The following DNM2 variants were observed in gnomAD, a reference collection of about 807,000 sequenced individuals.
The protein encoded by DNM2 is dynamin-2.
A neutral mutation model predicts 99.0 loss-of-function variants in DNM2; 15 were observed. The observed-to-expected ratio is 0.15, with a 90% CI of 0.10 to 0.23. DNM2 has a LOEUF of 0.23. Ranked by LOEUF, DNM2 falls within the 10% of genes least tolerant of loss-of-function variation. The pLI is 1.00. For missense variants in DNM2, 742 were observed against 1,189.4 expected, an observed-to-expected ratio of 0.62 and a Z score of 5.53; for synonymous variants, 525 against 481.2, an observed-to-expected ratio of 1.09 and a Z score of -1.19.
chr19:10,728,223 A>C (rs1246793303), intron 1 of DNM2, among the ~76,000 whole-genome samples: 1 of 152,222 alleles, frequency 6.6e-6, no homozygotes, highest in Admixed American at 6.5e-5. Context: ...ACCGTGTGCC[A>C]CATGTGCAAG....
At chr19:10,805,082 G>A (rs1034154647) in intron 12 of DNM2, among the ~76,000 whole-genome samples, 2 of 152,196 alleles carry the variant, frequency 1.3e-5, no homozygotes, top group African/African-American at 4.8e-5. Flanking sequence ...AAAATATAGT[G>A]GGATTTGTCT....
intron 6 of DNM2, among the ~76,000 whole-genome samples, chr19:10,784,078 T>G (rs2071472409): frequency 6.6e-6 from 1 of 151,932 alleles, no homozygotes; most frequent in South Asian, 2.1e-4. Context: ...AGTGGGCCAG[T>G]GTGTGGTAGC....
Position 10,795,584 on chromosome 19 carries a change from C to T in DNM2, c.1196+145C>T, listed in dbSNP as rs2071903197. 3 of 887,138 alleles carry T rather than the reference C, an allele frequency of 3.4e-6. No homozygotes were observed. Among genetic ancestry groups the T allele is most frequent in the East Asian group, 2.5e-5 (1 of 39,328 alleles). The allele number at this position is 887,138 out of a possible 1,614,324, so 55.0% of individuals were successfully genotyped here. A position where few individuals can be genotyped will look rare whatever the true frequency, so the allele number is the denominator to read the frequency against. The stretch of plus-strand genomic sequence containing the variant: ...GGTTTTCTGTAGCTGCGAGCCCCTC[C>T]CTGAGGGTCTCCAAGGGCACATGAG... On this transcript the variant is annotated intron_variant, in intron 9 of 20. Transcript: ENST00000389253. The surrounding 1 kb of genome is among the most constrained non-coding windows in gnomAD (Gnocchi z 4.2).
rs1172672571 is a variant in DNM2 at position 10,783,523 on chromosome 19, C to CAGA, written c.849+404_849+406dup. Among the ~76,000 whole-genome samples, 3 of 152,150 alleles carry CAGA rather than the reference C, an allele frequency of 2.0e-5. No homozygotes were observed. The East Asian group carries it at 5.8e-4, about 29-fold the overall frequency. ...ACTTGATTCAGGGTCTGGTGAAGAG[C>CAGA]AGATGTTCAGTGACTTGGTGCTGCT... On this transcript the variant is annotated intron_variant, in intron 6 of 20. Coordinates refer to ENST00000389253, the MANE Select transcript of DNM2 (RefSeq NM_001005361.3).
intron 1 of DNM2, among the ~76,000 whole-genome samples, chr19:10,744,056 G>T (rs1308226678): frequency 1.3e-5 from 2 of 151,996 alleles, no homozygotes; most frequent in Non-Finnish European, 2.9e-5. Context: ...TGCTTAGGAG[G>T]CTGAGGCAGG....
intron 1 of DNM2, among the ~76,000 whole-genome samples, chr19:10,723,775 G>T (rs1026071981): frequency 2.2e-4 from 34 of 152,194 alleles, no homozygotes; most frequent in African/African-American, 6.8e-4. Flanking sequence ...CTCTGGAGGA[G>T]CTGGCCTTTC....
At chr19:10,803,376 T>C (rs1400141366) in intron 12 of DNM2, among the ~76,000 whole-genome samples, 1 of 152,168 alleles carries the variant, frequency 6.6e-6, no homozygotes, top group Non-Finnish European at 1.5e-5. Flanking sequence ...AATGAGGGCC[T>C]CATCAGAACC....
chr19:10,824,423 C>G (rs1422954462), intron 17 of DNM2: 1 of 201,262 alleles, frequency 5.0e-6, no homozygotes, highest in Non-Finnish European at 1.0e-5. Flanking sequence ...ATCGCTTAAA[C>G]CCGGGAGGTA....
chr19:10,799,377 C>T (rs1007301972), intron 11 of DNM2, among the ~76,000 whole-genome samples: 3 of 151,900 alleles, frequency 2.0e-5, no homozygotes, highest in Non-Finnish European at 4.4e-5. Context: ...TCCCTCCCCT[C>T]GGCGTCTGCA....
At chr19:10,773,450 T>G (rs943701727) in intron 3 of DNM2, among the ~76,000 whole-genome samples, 2 of 1,372 alleles carry the variant, frequency 1.5e-3, no homozygotes, top group Non-Finnish European at 5.3e-3. Context: ...CCCGGCCAAA[T>G]TTTTTTTTTT....
At chr19:10,823,937 C>G (rs748625096) in intron 17 of DNM2, 38 bp downstream of exon 17, 18 of 1,601,724 alleles carry the variant, frequency 1.1e-5, no homozygotes, top group South Asian at 3.3e-5. Context: ...CCAGAGCCCC[C>G]ACCTGGGAGA....
At chr19:10,757,312 C>T (rs1029395515) in intron 1 of DNM2, among the ~76,000 whole-genome samples, 2 of 152,192 alleles carry the variant, frequency 1.3e-5, no homozygotes, top group Non-Finnish European at 2.9e-5. Flanking sequence ...GGTGGGACAG[C>T]CCCCCGGCTG....
intron 18 of DNM2, among the ~76,000 whole-genome samples, chr19:10,828,235 G>C (rs977547214): frequency 6.6e-6 from 1 of 151,534 alleles, no homozygotes; most frequent in African/African-American, 2.4e-5. Context: ...GTTGCAGTGA[G>C]CCAAGATTGC....
At chr19:10,753,642 A>C (rs2145823962) in intron 1 of DNM2, among the ~76,000 whole-genome samples, 1 of 151,176 alleles carries the variant, frequency 6.6e-6, no homozygotes, top group African/African-American at 2.4e-5. Flanking sequence ...ATTTTATTCT[A>C]TTTTAAAGGT....
At chr19:10,725,466 A>T (rs1251131793) in intron 1 of DNM2, among the ~76,000 whole-genome samples, 2 of 151,856 alleles carry the variant, frequency 1.3e-5, no homozygotes, top group African/African-American at 4.8e-5. Flanking sequence ...AAAAAAGGAA[A>T]AAAGGAAAGG....
intron 1 of DNM2, among the ~76,000 whole-genome samples, chr19:10,753,345 A>T (rs2070264989): frequency 6.6e-6 from 1 of 151,312 alleles, no homozygotes; most frequent in African/African-American, 2.4e-5. Flanking sequence ...TGGTTGTCTT[A>T]GTCACAAAGT....
Position 10,745,449 on chromosome 19 carries a change from A to G in DNM2, c.162-14289A>G, listed in dbSNP as rs148756108. Among the ~76,000 whole-genome samples the G allele has an allele frequency of 3.9e-5, 6 of 152,294 alleles. No individual in the cohort carries two copies. In the East Asian group the frequency reaches 7.7e-4, roughly 20 times the overall value. Reference sequence around the variant, plus strand: ...GTTGGGACTGTTAGATAAATGAGCAATTAGGCTGGGCACGCTTGAAATCCC... The same window carrying G: ...GTTGGGACTGTTAGATAAATGAGCAGTTAGGCTGGGCACGCTTGAAATCCC... On this transcript the variant is annotated intron_variant, in intron 1 of 20. Coordinates refer to ENST00000389253, the MANE Select transcript of DNM2 (RefSeq NM_001005361.3).
At position 10,829,133 on chromosome 19, in the gene DNM2, G is replaced by A. The variant is rs1181350787; in HGVS notation, c.2156G>A (p.Arg719Gln). 4.3e-6 allele frequency: 7 copies of A among 1,613,740 alleles called. No homozygotes were observed. Among genetic ancestry groups the A allele is most frequent in the Non-Finnish European group, 5.1e-6 (6 of 1,179,996 alleles). The change falls in exon 19 of 21, where the codon CGG becomes CAG. Residue 719 changes from arginine (R) to glutamine (Q), a missense_variant. Arg to Gln is a conservative substitution (Grantham distance 43). Coordinates refer to ENST00000389253, the MANE Select transcript of DNM2 (RefSeq NM_001005361.3). ...MEESADQAQR[R>Q]DDMLRMYHAL... ...GAGTCGGCTGACCAGGCACAGCGGC[G>A]GGACGACATGCTGCGCATGTACCAT... is the stretch of plus-strand genomic sequence containing the variant.
chr19:10,815,497 A>G (rs1304973665), intron 15 of DNM2, among the ~76,000 whole-genome samples: 3 of 152,154 alleles, frequency 2.0e-5, no homozygotes, highest in Non-Finnish European at 4.4e-5. Context: ...CTGGTACTTG[A>G]GCCCAGGACT....
Sources: gnomAD v4.1 joint callset for allele counts (sites outside exome capture counted in the v4.1 genomes callset) on GRCh38, gnomAD v4.1.1 for gene constraint, Gnocchi (gnomAD v3.1) non-coding constraint, MANE v1.5 for transcripts, NCBI Gene and HGNC (gene_info 2026-07-23, HGNC 2026-07-21) for gene names.